Variants in ANK3 observed in about 807,000 individuals in gnomAD.
ANK3 encodes the protein ankyrin-3.
In ANK3, 57 loss-of-function variants were observed where a neutral mutation model predicts 370.9. That is an observed-to-expected ratio of 0.15 (90% CI 0.12 to 0.19). The LOEUF (loss-of-function observed/expected upper bound fraction) is 0.19. ANK3 is among the 10% of genes least tolerant of loss of function. The pLI is 1.00. For synonymous variants in ANK3, 1,929 were observed against 1,946.3 expected, an observed-to-expected ratio of 0.99 and a Z score of 0.23; for missense variants, 4,439 against 5,302.1, an observed-to-expected ratio of 0.84 and a Z score of 5.06.
At chr10:60,504,411 A>G (rs1567099855) in intron 2 of ANK3, among the ~76,000 whole-genome samples, 1 of 152,184 alleles carries the variant, frequency 6.6e-6, no homozygotes, top group African/African-American at 2.4e-5. Context: ...TTTTTCATGC[A>G]TCAATTAATT....
At chr10:60,161,539 G>A (rs1183815862) in intron 23 of ANK3, among the ~76,000 whole-genome samples, 2 of 152,152 alleles carry the variant, frequency 1.3e-5, no homozygotes, top group African/African-American at 2.4e-5. Context: ...TACACATAAT[G>A]AAATATTATT....
At chr10:60,415,488 T>G (rs371965138) in intron 2 of ANK3, among the ~76,000 whole-genome samples, 7 of 152,116 alleles carry the variant, frequency 4.6e-5, no homozygotes, top group African/African-American at 1.7e-4. Flanking sequence ...GTGTCCAGAG[T>G]TAGCCACCTG....
rs562167000 is a variant in ANK3, at chr10:60,731,332, T to C, written c.57+1931A>G. ...CAGATTCAGAATCCACACTGTTTCC[T>C]TGGATTCCAAAACACACCATTGGCC... On this transcript the variant is annotated intron_variant, in intron 1 of 43. Transcript: ENST00000373827. 5.6e-4 allele frequency among the ~76,000 whole-genome samples: 86 copies of C among 152,356 alleles called. 2 individuals are homozygous for C. In the Middle Eastern group the frequency reaches 0.031, roughly 54 times the overall value.
rs192304042 is a variant in ANK3, at chr10:60,042,096, C to T, written c.*19+576G>A. Among the ~76,000 whole-genome samples the T allele has an allele frequency of 8.5e-5, 13 of 152,254 alleles. No individual in the cohort carries two copies. The East Asian group carries it at 2.5e-3, about 29-fold the overall frequency. On this transcript the variant is annotated intron_variant, in intron 43 of 43. Transcript: ENST00000280772. ...CGTGATCTGTAAAGAAAAGTCCAGG[C>T]AAATGTAAACAAAGCTCACTTACTA...
chr10:60,566,210 G>C (rs2077456848), intron 2 of ANK3, among the ~76,000 whole-genome samples: 1 of 152,080 alleles, frequency 6.6e-6, no homozygotes, highest in South Asian at 2.1e-4. Context: ...TGTGTGTTCT[G>C]ACTGCTCCAC....
At chr10:60,579,028 G>C (rs2077714948) in intron 2 of ANK3, among the ~76,000 whole-genome samples, 1 of 152,070 alleles carries the variant, frequency 6.6e-6, no homozygotes, top group Non-Finnish European at 1.5e-5. Flanking sequence ...AAAAAAATGA[G>C]CTTAAAAGAT....
At chr10:60,308,219 A>C (rs1373229498) in intron 1 of ANK3, among the ~76,000 whole-genome samples, 1 of 152,002 alleles carries the variant, frequency 6.6e-6, no homozygotes, top group African/African-American at 2.4e-5. Flanking sequence ...CCAAGATAAC[A>C]GATAAGACAA....
At chr10:60,255,970 G>A (rs559323958) in intron 7 of ANK3, among the ~76,000 whole-genome samples, 14 of 152,234 alleles carry the variant, frequency 9.2e-5, no homozygotes, top group African/African-American at 3.4e-4. Context: ...TGGGGGAAAT[G>A]AGATAGACTC....
chr10:60,085,523 G>A (rs1015900058), intron 30 of ANK3, among the ~76,000 whole-genome samples: 3 of 151,768 alleles, frequency 2.0e-5, no homozygotes, highest in African/African-American at 7.3e-5. Flanking sequence ...TAAACTTGGG[G>A]CAGCCACAAT....
intron 28 of ANK3, among the ~76,000 whole-genome samples, chr10:60,100,953 TTTTA>T (rs1350797514): frequency 4.6e-5 from 7 of 152,172 alleles, no homozygotes; most frequent in Non-Finnish European, 1.0e-4. Flanking sequence ...GAAATTAATT[TTTTA>T]TTTGTTTTTT....
At chr10:60,432,539 T>C (rs7896140) in intron 2 of ANK3, among the ~76,000 whole-genome samples, 89,227 of 152,112 alleles carry the variant, frequency 0.59, 26,604 homozygotes, top group African/African-American at 0.68. Context: ...AATGCAAAGA[T>C]ATCTACTGTA....
intron 1 of ANK3, among the ~76,000 whole-genome samples, chr10:60,388,828 G>T (rs1380223221): frequency 6.6e-6 from 1 of 152,140 alleles, no homozygotes; most frequent in African/African-American, 2.4e-5. Flanking sequence ...TTTAACAAAA[G>T]AAAGTTATTT....
At chr10:60,514,017 A>T (rs190128113) in intron 2 of ANK3, among the ~76,000 whole-genome samples, 1 of 152,286 alleles carries the variant, frequency 6.6e-6, no homozygotes, top group East Asian at 1.9e-4. Flanking sequence ...ATTCAACCTG[A>T]AGACGAGGAT....
chr10:60,340,884 A>G (rs1478921860), intron 1 of ANK3, among the ~76,000 whole-genome samples: 2 of 152,180 alleles, frequency 1.3e-5, no homozygotes, highest in Non-Finnish European at 2.9e-5. Flanking sequence ...GACTCTATGA[A>G]TTCTATTATC....
chr10:60,589,344 TAAAC>T (rs1248957134), intron 2 of ANK3, among the ~76,000 whole-genome samples: 1 of 152,170 alleles, frequency 6.6e-6, no homozygotes, highest in Non-Finnish European at 1.5e-5. Flanking sequence ...TTAGGCAAAA[TAAAC>T]AATATCAATC....
chr10:60,728,719 G>A (rs541715176), intron 1 of ANK3, among the ~76,000 whole-genome samples: 1 of 152,286 alleles, frequency 6.6e-6, no homozygotes, highest in South Asian at 2.1e-4. Flanking sequence ...GGAGAACGGG[G>A]ACTTCATTCC....
chr10:60,159,690 A>T lies in ANK3; in HGVS notation c.2614+6901T>A, dbSNP rs115395125. 9.6e-3 allele frequency among the ~76,000 whole-genome samples: 1,461 copies of T among 151,798 alleles called. 20 individuals carry two copies. The highest frequency in any genetic ancestry group is 0.033 in the African/African-American group (1,350 of 41,412). ...CTACAAAACAAGTCTCAAAAAATTT[A>T]AAAAAAAATTGCAATCATGTCAAGT... On this transcript the variant is annotated intron_variant, in intron 23 of 43. Coordinates refer to ENST00000280772, the MANE Select transcript of ANK3 (RefSeq NM_020987.5).
intron 1 of ANK3, among the ~76,000 whole-genome samples, chr10:60,664,426 A>G (rs1023328960): frequency 2.2e-4 from 33 of 152,258 alleles, no homozygotes; most frequent in African/African-American, 5.3e-4. Context: ...GTACAAAGAT[A>G]GCAGAGAACA....
chr10:60,496,390 G>A (rs1419617570), intron 2 of ANK3, among the ~76,000 whole-genome samples: 1 of 152,188 alleles, frequency 6.6e-6, no homozygotes, highest in Admixed American at 6.5e-5. Context: ...TATGTGTTGA[G>A]CAATTAGGTT....
Sources: gnomAD v4.1 joint callset for allele counts (sites outside exome capture counted in the v4.1 genomes callset) on GRCh38, gnomAD v4.1.1 for gene constraint, MANE v1.5 for transcripts, NCBI Gene and HGNC (gene_info 2026-07-23, HGNC 2026-07-21) for gene names.